Variants in SMAP1 observed in about 807,000 individuals in gnomAD.
The protein encoded by SMAP1 is stromal membrane-associated protein 1.
A neutral mutation model predicts 58.5 loss-of-function variants in SMAP1; 24 were observed. That is an observed-to-expected ratio of 0.41 (90% CI 0.30 to 0.58). SMAP1 has a LOEUF of 0.58. SMAP1 is among the 20% of genes least tolerant of loss of function. SMAP1 has a pLI of 0.29. For missense variants in SMAP1, 563 were observed against 566.3 expected (o/e 0.99, Z 0.06); for synonymous variants, 216 against 196.6 (o/e 1.10, Z -0.82).
At chr6:70,692,051 G>A (rs769826445) in intron 1 of SMAP1, among the ~76,000 whole-genome samples, 7 of 152,028 alleles carry the variant, frequency 4.6e-5, no homozygotes, top group Non-Finnish European at 8.8e-5. Context: ...GTTCTTCATA[G>A]TGGCTGCACT....
intron 9 of SMAP1, chr6:70,857,658 G>A (rs1216660871): frequency 4.3e-6 from 2 of 468,704 alleles, no homozygotes; most frequent in Admixed American, 3.6e-5. Flanking sequence ...GGTCTTCACA[G>A]TGGAAGATAT....
intron 3 of SMAP1, among the ~76,000 whole-genome samples, chr6:70,769,707 T>A (rs528885797): frequency 9.9e-5 from 15 of 152,270 alleles, no homozygotes; most frequent in Non-Finnish European, 2.1e-4. Context: ...TCTTTATCCA[T>A]TTTGCCAGTC....
chr6:70,669,200 G>A (rs545667208), intron 1 of SMAP1, among the ~76,000 whole-genome samples: 1 of 152,150 alleles, frequency 6.6e-6, no homozygotes, highest in East Asian at 1.9e-4. Context: ...TGAGAAATAG[G>A]GTAGTTCTCT....
chr6:70,811,701 A>G (rs1417240624), intron 6 of SMAP1, among the ~76,000 whole-genome samples: 1 of 152,202 alleles, frequency 6.6e-6, no homozygotes, highest in Non-Finnish European at 1.5e-5. Context: ...TTACTTATAT[A>G]GTAATACAGT....
intron 8 of SMAP1, among the ~76,000 whole-genome samples, chr6:70,853,612 T>C (rs1415781258): frequency 6.6e-6 from 1 of 152,202 alleles, no homozygotes; most frequent in Non-Finnish European, 1.5e-5. Context: ...ATGGAACAAG[T>C]AGATTTCTTA....
chr6:70,745,531 A>C (rs566911591), intron 2 of SMAP1, among the ~76,000 whole-genome samples: 2 of 152,060 alleles, frequency 1.3e-5, no homozygotes, highest in Admixed American at 6.5e-5. Flanking sequence ...CCATTGGTCT[A>C]TCTCTCTGTT....
chr6:70,677,902 G>A (rs1333986461), intron 1 of SMAP1, among the ~76,000 whole-genome samples: 1 of 152,066 alleles, frequency 6.6e-6, no homozygotes, highest in Non-Finnish European at 1.5e-5. Context: ...TACTATTAAT[G>A]TCAGTATTTC....
chr6:70,785,876 A>T lies in SMAP1; in HGVS notation c.415-5813A>T, dbSNP rs369856918. 8.7e-4 allele frequency among the ~76,000 whole-genome samples: 133 copies of T among 152,362 alleles called. 1 individual carries two copies. The East Asian group carries it at 0.02, about 23-fold the overall frequency. On this transcript the variant is annotated intron_variant, in intron 4 of 10. Transcript: ENST00000370455. Reference sequence around the variant, plus strand: ...ACAGCCGAATTCTACCAGAGGTACAAGGAGGAGCTGGTACCATTCCTTCTG... The same window carrying T: ...ACAGCCGAATTCTACCAGAGGTACATGGAGGAGCTGGTACCATTCCTTCTG...
At chr6:70,704,752 G>T (rs1211230286) in intron 1 of SMAP1, among the ~76,000 whole-genome samples, 1 of 152,256 alleles carries the variant, frequency 6.6e-6, no homozygotes, top group East Asian at 1.9e-4. Flanking sequence ...TCCATTATTT[G>T]TGAGCTTGAA....
intron 2 of SMAP1, among the ~76,000 whole-genome samples, chr6:70,740,632 G>A (rs1031951053): frequency 6.6e-6 from 1 of 151,910 alleles, no homozygotes; most frequent in Middle Eastern, 3.2e-3. Context: ...CTCAGTTTGG[G>A]GTCCTATCCT....
chr6:70,722,027 A>G (rs2149848132), intron 1 of SMAP1, among the ~76,000 whole-genome samples: 1 of 152,340 alleles, frequency 6.6e-6, no homozygotes, highest in East Asian at 1.9e-4. Context: ...CAGTACGTTT[A>G]TTAAAATCAG....
intron 1 of SMAP1, among the ~76,000 whole-genome samples, chr6:70,708,284 A>C (rs1767919389): frequency 6.6e-6 from 1 of 152,096 alleles, no homozygotes; most frequent in African/African-American, 2.4e-5. Flanking sequence ...CTGTTGTCTC[A>C]AGTGGTGGGT....
At chr6:70,739,326 A>G (rs906440498) in intron 2 of SMAP1, among the ~76,000 whole-genome samples, 1 of 152,180 alleles carries the variant, frequency 6.6e-6, no homozygotes, top group African/African-American at 2.4e-5. Context: ...AATAAAATAT[A>G]TAATTAAAAT....
intron 7 of SMAP1, among the ~76,000 whole-genome samples, chr6:70,845,742 G>A (rs1770962414): frequency 6.6e-6 from 1 of 152,228 alleles, no homozygotes; most frequent in African/African-American, 2.4e-5. Flanking sequence ...GAACAGATGA[G>A]CAAGAGGGTA....
chr6:70,857,387 A>G (rs113637381), intron 9 of SMAP1: 188 of 174,406 alleles, frequency 1.1e-3, no homozygotes, highest in African/African-American at 4.3e-3. Flanking sequence ...GAGTTACCAC[A>G]TGGATTAAAA....
chr6:70,759,898 C>T (rs1170563208), intron 3 of SMAP1: 1 of 441,722 alleles, frequency 2.3e-6, no homozygotes, highest in Non-Finnish European at 4.6e-6. Flanking sequence ...CTATGCCAAG[C>T]CCTGACCATG....
At position 70,830,896 on chromosome 6, in the gene SMAP1, T is replaced by C. The variant is rs186116108; in HGVS notation, c.577-6045T>C. On this transcript the variant is annotated intron_variant, in intron 6 of 10. Transcript: ENST00000370455. ...TTAGAGTGGCCATGAGACAGGATTT[T>C]TAGCATGTACACAGGGTACTGCTGC... 3.2e-3 allele frequency among the ~76,000 whole-genome samples: 489 copies of C among 152,332 alleles called. 2 individuals are homozygous for C. Among genetic ancestry groups the C allele is most frequent in the African/African-American group, 0.011 (470 of 41,590 alleles).
chr6:70,754,031 G>A (rs1216767248), intron 2 of SMAP1, among the ~76,000 whole-genome samples: 1 of 152,046 alleles, frequency 6.6e-6, no homozygotes, highest in African/African-American at 2.4e-5. Context: ...ACAACTCAAC[G>A]CAGATGTCAG....
At chr6:70,857,765 G>GT in intron 9 of SMAP1, 157 bp from the exon 10 acceptor site, 1 of 661,036 alleles carries the variant, frequency 1.5e-6, no homozygotes, top group Non-Finnish European at 2.6e-6. Context: ...AGCTCTCAGG[G>GT]TTTAGGTGTG....
Sources: allele counts gnomAD v4.1 joint callset (sites outside exome capture counted in the v4.1 genomes callset), GRCh38; gene constraint gnomAD v4.1.1; transcripts MANE v1.5; gene names NCBI Gene and HGNC (gene_info 2026-07-23, HGNC 2026-07-21).